WWP2: variants seen among roughly 807,000 people sequenced by gnomAD.
The protein encoded by WWP2 is NEDD4-like E3 ubiquitin-protein ligase WWP2.
WWP2 carries 57 observed loss-of-function variants against 121.0 expected under a neutral mutation model. The ratio of observed to expected loss-of-function variants is 0.47; its 90% CI spans 0.38 to 0.59. The LOEUF (loss-of-function observed/expected upper bound fraction) is 0.59, where lower values mean the gene tolerates loss of function less well. Ranked by LOEUF, WWP2 falls within the 20% of genes least tolerant of loss-of-function variation. WWP2 has a pLI of 0.00. For synonymous variants in WWP2, 449 were observed against 441.3 expected, an observed-to-expected ratio of 1.02 and a Z score of -0.22; for missense variants, 962 against 1,158.9, an observed-to-expected ratio of 0.83 and a Z score of 2.47.
chr16:69,849,666 G>A (rs138164191), intron 6 of WWP2, among the ~76,000 whole-genome samples: 1,797 of 152,218 alleles, frequency 0.012, 30 homozygotes, highest in African/African-American at 0.038. Context: ...ATCATGGCTG[G>A]GCATGGTGGC....
chr16:69,931,743 C>T lies in WWP2; in HGVS notation c.1594-59C>T, dbSNP rs957727965. ...GGGCCTTAGAGTCCCCTGTCCCTCC[C>T]GCCCCTGCCTGCTGTGGAAGGGAGA... On this transcript the variant is annotated intron_variant, in intron 15 of 23. Transcript: ENST00000359154. 19 of 1,591,966 alleles carry T rather than the reference C, an allele frequency of 1.2e-5. No homozygotes were observed. The South Asian group carries it at 1.5e-4, about 13-fold the overall frequency.
intron 8 of WWP2, among the ~76,000 whole-genome samples, chr16:69,906,412 A>G (rs980328653): frequency 6.6e-5 from 10 of 152,168 alleles, no homozygotes; most frequent in Non-Finnish European, 1.2e-4. Context: ...GGGGCTGATC[A>G]ATGCAGTCCA....
intron 7 of WWP2, among the ~76,000 whole-genome samples, chr16:69,873,213 A>T (rs2057673477): frequency 6.6e-6 from 1 of 152,180 alleles, no homozygotes; most frequent in East Asian, 1.9e-4. Context: ...AAACTTACTG[A>T]GTGGAAGAAA....
At chr16:69,825,573 C>G (rs116488447) in intron 4 of WWP2, among the ~76,000 whole-genome samples, 2,706 of 149,408 alleles carry the variant, frequency 0.018, 66 homozygotes, top group African/African-American at 0.06. Flanking sequence ...ATTTTGAAAG[C>G]TAATATTATT....
At chr16:69,932,025 G>A in intron 16 of WWP2, 135 bp downstream of exon 16, 1 of 897,722 alleles carries the variant, frequency 1.1e-6, no homozygotes. Flanking sequence ...TGGGCACAGT[G>A]TGGCATTCAA....
At chr16:69,891,761 T>G (rs990110826) in intron 8 of WWP2, among the ~76,000 whole-genome samples, 4 of 152,196 alleles carry the variant, frequency 2.6e-5, no homozygotes, top group Non-Finnish European at 5.9e-5. Context: ...GACAGTTCCA[T>G]GTAGCTATCT....
At chr16:69,921,080 C>T (rs888690523) in intron 10 of WWP2, among the ~76,000 whole-genome samples, 2 of 152,250 alleles carry the variant, frequency 1.3e-5, no homozygotes, top group South Asian at 4.1e-4. Flanking sequence ...TTCTCAGGCT[C>T]GCTGGGGATG....
chr16:69,931,342 A>G (rs2058708575), intron 14 of WWP2, 115 bp downstream of exon 14: 2 of 1,488,704 alleles, frequency 1.3e-6, no homozygotes, highest in Admixed American at 1.8e-5. Flanking sequence ...GGCGCAAGAC[A>G]CTTGTCTAAC....
At chr16:69,795,273 CACA>C (rs777972372) in intron 2 of WWP2, among the ~76,000 whole-genome samples, 1 of 151,306 alleles carries the variant, frequency 6.6e-6, no homozygotes. Context: ...CACACACACA[CACA>C]CACACACACA....
intron 6 of WWP2, among the ~76,000 whole-genome samples, chr16:69,850,788 A>T (rs942371804): frequency 6.6e-6 from 1 of 152,118 alleles, no homozygotes; most frequent in Admixed American, 6.6e-5. Flanking sequence ...CCAGCCTGCC[A>T]TCTGCTTTTT....
At chr16:69,851,853 C>T (rs1397802662) in intron 6 of WWP2, among the ~76,000 whole-genome samples, 1 of 151,958 alleles carries the variant, frequency 6.6e-6, no homozygotes, top group Non-Finnish European at 1.5e-5. Flanking sequence ...CGTGGTAGTG[C>T]GCTCCTGGAG....
chr16:69,894,103 TCTC>T (rs1337982935), intron 8 of WWP2, among the ~76,000 whole-genome samples: 4 of 151,056 alleles, frequency 2.6e-5, no homozygotes, highest in Non-Finnish European at 4.4e-5. Flanking sequence ...TGAGATGGAG[TCTC>T]GCTCTGTCAC....
intron 8 of WWP2, among the ~76,000 whole-genome samples, chr16:69,903,445 A>T (rs1356285286): frequency 6.6e-6 from 1 of 152,194 alleles, no homozygotes; most frequent in Non-Finnish European, 1.5e-5. Context: ...GAGACTGCTG[A>T]TAAGATGAAA....
At chr16:69,874,802 C>G (rs2057706428) in intron 7 of WWP2, among the ~76,000 whole-genome samples, 1 of 152,168 alleles carries the variant, frequency 6.6e-6, no homozygotes, top group Non-Finnish European at 1.5e-5. Flanking sequence ...GATTCCGATT[C>G]TTCATCTTTA....
intron 1 of WWP2, among the ~76,000 whole-genome samples, chr16:69,782,757 A>C (rs1309949555): frequency 6.6e-6 from 1 of 152,208 alleles, no homozygotes; most frequent in African/African-American, 2.4e-5. Context: ...AAAATCTTGG[A>C]GCGTGACATT....
chr16:69,778,233 T>C (rs2055583478), intron 1 of WWP2, among the ~76,000 whole-genome samples: 1 of 145,780 alleles, frequency 6.9e-6, no homozygotes, highest in African/African-American at 2.6e-5. Flanking sequence ...CTACCAGACT[T>C]AGTAAAGGGG....
At chr16:69,874,898 T>C (rs1363391022) in intron 7 of WWP2, among the ~76,000 whole-genome samples, 1 of 152,096 alleles carries the variant, frequency 6.6e-6, no homozygotes, top group Admixed American at 6.6e-5. Flanking sequence ...GACATGCATC[T>C]GTAGTCCCTG....
chr16:69,810,315 C>T (rs2056365990), intron 4 of WWP2, among the ~76,000 whole-genome samples: 2 of 152,184 alleles, frequency 1.3e-5, no homozygotes, highest in African/African-American at 4.8e-5. Flanking sequence ...TTCGCCCTGG[C>T]CATGGCTGCA....
rs183367286 is a variant in WWP2 at position 69,909,111 on chromosome 16, A to T, written c.1004+261A>T. 1.9e-4 allele frequency: 223 copies of T among 1,165,672 alleles called. 3 individuals carry two copies. Among genetic ancestry groups the T allele is most frequent in the African/African-American group, 1.8e-3 (115 of 63,296 alleles). The allele number at this position is 1,165,672 out of a possible 1,614,324, so 72.2% of individuals were successfully genotyped here. A position where few individuals can be genotyped will look rare whatever the true frequency, so the allele number is the denominator to read the frequency against. The stretch of plus-strand genomic sequence containing the variant: ...GTGTTGATGCATTCCGCCGTACCCT[A>T]TGCCCAGCCTGTCCCTAAAGGCAGA... On this transcript the variant is annotated intron_variant, in intron 9 of 23. Coordinates refer to ENST00000359154, the MANE Select transcript of WWP2 (RefSeq NM_001270454.2).
Sources: allele counts gnomAD v4.1 joint callset (sites outside exome capture counted in the v4.1 genomes callset), GRCh38; gene constraint gnomAD v4.1.1; transcripts MANE v1.5; gene names NCBI Gene and HGNC (gene_info 2026-07-23, HGNC 2026-07-21).